Variants in GRIA3 observed in about 807,000 individuals in gnomAD.
The protein encoded by GRIA3 is glutamate receptor 3.
In GRIA3, 3 loss-of-function variants were observed where a neutral mutation model predicts 63.0. The ratio of observed to expected loss-of-function variants is 0.05; its 90% CI spans 0.02 to 0.12. The LOEUF (loss-of-function observed/expected upper bound fraction) is 0.12, where lower values mean the gene tolerates loss of function less well. Ranked by LOEUF, GRIA3 falls within the 10% of genes least tolerant of loss-of-function variation. GRIA3 has a pLI of 1.00. For synonymous variants in GRIA3, 274 were observed against 257.9 expected (o/e 1.06, Z -0.60); for missense variants, 347 against 700.9 (o/e 0.50, Z 5.70).
intron 3 of GRIA3, among the ~76,000 whole-genome samples, chrX:123,317,869 C>T (rs957513695): frequency 2.7e-5 from 3 of 112,788 alleles, no homozygotes; most frequent in African/African-American, 9.7e-5. Flanking sequence ...TCTGACCCCA[C>T]ATTTCCCTTC....
chrX:123,238,241 G>C (rs942666740), intron 2 of GRIA3, among the ~76,000 whole-genome samples: 1 of 111,627 alleles, frequency 9.0e-6, no homozygotes, highest in Non-Finnish European at 1.9e-5. Flanking sequence ...TGAGACAGTG[G>C]GAGCAGAAAT....
chrX:123,294,916 A>C (rs1421421864), intron 3 of GRIA3, among the ~76,000 whole-genome samples: 1 of 111,714 alleles, frequency 9.0e-6, no homozygotes, highest in African/African-American at 3.2e-5. Flanking sequence ...ATATGTTTTT[A>C]ATTTTTTGTT....
At chrX:123,294,271 A>C (rs988751410) in intron 3 of GRIA3, among the ~76,000 whole-genome samples, 1 of 111,207 alleles carries the variant, frequency 9.0e-6, no homozygotes, top group South Asian at 3.8e-4. Context: ...AAACTCCTGC[A>C]GTTTGACTTC....
At chrX:123,315,073 A>G (rs1358760778) in intron 3 of GRIA3, among the ~76,000 whole-genome samples, 2 of 111,664 alleles carry the variant, frequency 1.8e-5, no homozygotes, top group Non-Finnish European at 3.8e-5. Flanking sequence ...AAAAAGCACA[A>G]ACAACTGGGA....
chrX:123,414,427 A>AT (rs774692918), intron 10 of GRIA3, among the ~76,000 whole-genome samples: 7 of 110,641 alleles, frequency 6.3e-5, no homozygotes, highest in South Asian at 7.7e-4. Context: ...TTTCTTTTTT[A>AT]TTTTTTTTAT....
intron 13 of GRIA3, among the ~76,000 whole-genome samples, chrX:123,471,091 C>T (rs1011213930): frequency 9.0e-6 from 1 of 111,373 alleles, no homozygotes; most frequent in Non-Finnish European, 1.9e-5. Context: ...TATGCTGGTA[C>T]TGCCTCCTGG....
At chrX:123,356,349 T>G (rs2045133782) in intron 5 of GRIA3, among the ~76,000 whole-genome samples, 3 of 109,739 alleles carry the variant, frequency 2.7e-5, no homozygotes, top group Admixed American at 2.0e-4. Flanking sequence ...CTTCATCTCT[T>G]TCCCCTTTCC....
At chrX:123,391,269 C>G (rs757864628) in intron 5 of GRIA3, among the ~76,000 whole-genome samples, 1 of 110,493 alleles carries the variant, frequency 9.1e-6, no homozygotes, top group South Asian at 3.9e-4. Context: ...GTAACAGTTA[C>G]TTCTTCTAAT....
chrX:123,235,864 C>CA (rs956105757), intron 2 of GRIA3, among the ~76,000 whole-genome samples: 1 of 109,815 alleles, frequency 9.1e-6, no homozygotes, highest in Non-Finnish European at 1.9e-5. Flanking sequence ...GAACGAGTTT[C>CA]AAAAAATACC....
intron 5 of GRIA3, among the ~76,000 whole-genome samples, chrX:123,381,313 CCTTA>C (rs2045322830): frequency 3.6e-5 from 4 of 111,482 alleles, no homozygotes; most frequent in Non-Finnish European, 5.7e-5. Flanking sequence ...AGCTCCTCTA[CCTTA>C]GCCCACACAT....
At chrX:123,340,980 C>T (rs2045005290) in intron 4 of GRIA3, among the ~76,000 whole-genome samples, 1 of 112,241 alleles carries the variant, frequency 8.9e-6, no homozygotes, top group African/African-American at 3.2e-5. Flanking sequence ...CAGCAAAGGG[C>T]ACAGACCTTA....
intron 12 of GRIA3, among the ~76,000 whole-genome samples, chrX:123,428,451 C>T (rs1005793358): frequency 1.8e-5 from 2 of 111,701 alleles, no homozygotes; most frequent in Non-Finnish European, 3.8e-5. Flanking sequence ...TCAGTCCCCT[C>T]ACTTGAATAA....
intron 12 of GRIA3, among the ~76,000 whole-genome samples, chrX:123,461,151 G>A (rs1018107052): frequency 5.3e-5 from 6 of 112,181 alleles, no homozygotes; most frequent in Admixed American, 9.4e-5. Flanking sequence ...CAATCTGGTC[G>A]TCACCATGGT....
intron 12 of GRIA3, among the ~76,000 whole-genome samples, chrX:123,438,163 C>A (rs2147408427): frequency 8.9e-6 from 1 of 111,869 alleles, no homozygotes; most frequent in East Asian, 2.8e-4. Flanking sequence ...CCCTCTTCTC[C>A]CAGGTCCTGG....
At chrX:123,339,191 A>G (rs142744416) in intron 4 of GRIA3, among the ~76,000 whole-genome samples, 383 of 112,221 alleles carry the variant, frequency 3.4e-3, no homozygotes, top group Non-Finnish European at 6.2e-3. Context: ...AAAAGGACCT[A>G]CTACTCAAGT....
chrX:123,413,533 A>C (rs948047931), intron 10 of GRIA3, among the ~76,000 whole-genome samples: 3 of 4,095 alleles, frequency 7.3e-4, no homozygotes, highest in East Asian at 3.8e-3. Flanking sequence ...TCTCTCTGCC[A>C]AAAAAAAAAA....
At chrX:123,308,498 C>T (rs1381594029) in intron 3 of GRIA3, among the ~76,000 whole-genome samples, 1 of 111,922 alleles carries the variant, frequency 8.9e-6, no homozygotes, top group Non-Finnish European at 1.9e-5. Flanking sequence ...CCCGACTTGG[C>T]TGCTTGAAAT....
chrX:123,383,458 TACTA>T (rs1401603305), intron 5 of GRIA3, among the ~76,000 whole-genome samples: 10 of 111,590 alleles, frequency 9.0e-5, no homozygotes, highest in Non-Finnish European at 3.8e-5. Flanking sequence ...TCCCAGCCCC[TACTA>T]ACTATCATTC....
chrX:123,413,727 T>C (rs1310496229), intron 10 of GRIA3, among the ~76,000 whole-genome samples: 2 of 109,986 alleles, frequency 1.8e-5, no homozygotes, highest in African/African-American at 6.6e-5. Flanking sequence ...TTAGCCACGA[T>C]GAGATGAGAG....
Sources: allele counts gnomAD v4.1 joint callset (sites outside exome capture counted in the v4.1 genomes callset), GRCh38; gene constraint gnomAD v4.1.1; transcripts MANE v1.5; gene names NCBI Gene and HGNC (gene_info 2026-07-23, HGNC 2026-07-21).